GLIS3: variants seen among roughly 807,000 people sequenced by gnomAD.
The protein encoded by GLIS3 is GLIS family zinc finger 3, also known as zinc finger protein GLIS3.
A neutral mutation model predicts 78.6 loss-of-function variants in GLIS3; 53 were observed. The ratio of observed to expected loss-of-function variants is 0.67; its 90% CI spans 0.54 to 0.85. The LOEUF is 0.85. GLIS3 is among the 40% of genes least tolerant of loss of function. The pLI, the probability that GLIS3 is intolerant of heterozygous loss-of-function variation, is 0.00. For synonymous variants in GLIS3, 684 were observed against 509.9 expected (o/e 1.34, Z -4.60); for missense variants, 1,703 against 1,231.1 (o/e 1.38, Z -5.74).
chr9:4,310,720 C>T (rs1409193711), intron 2 of GLIS3, among the ~76,000 whole-genome samples: 1 of 152,094 alleles, frequency 6.6e-6, no homozygotes, highest in Non-Finnish European at 1.5e-5. Context: ...AGCCAATCAC[C>T]CAGGATTACC....
chr9:4,480,706 G>GA, the GLIS3 span, among the ~76,000 whole-genome samples: 3 of 149,900 alleles, frequency 2.0e-5, no homozygotes, highest in Admixed American at 6.7e-5. Flanking sequence ...AAGGCAAAAA[G>GA]AAAAAAAAGC....
chr9:4,040,454 C>T (rs117096139), intron 4 of GLIS3, among the ~76,000 whole-genome samples: 2,860 of 152,124 alleles, frequency 0.019, 36 homozygotes, highest in Non-Finnish European at 0.029. Context: ...GCTACATTTA[C>T]GATAGAAAAG....
At chr9:4,316,254 T>A (rs1167117585) in intron 2 of GLIS3, among the ~76,000 whole-genome samples, 1 of 152,194 alleles carries the variant, frequency 6.6e-6, no homozygotes, top group Non-Finnish European at 1.5e-5. Flanking sequence ...TAGCTACCTT[T>A]GCAAATCCAG....
chr9:4,303,239 G>C (rs75643689), upstream of GLIS3, among the ~76,000 whole-genome samples: 720 of 144,530 alleles, frequency 5.0e-3, 6 homozygotes, highest in African/African-American at 0.017. Context: ...AATAGCACCA[G>C]TGATAGTATG....
At chr9:4,453,017 C>T in the GLIS3 span, among the ~76,000 whole-genome samples, 1 of 152,114 alleles carries the variant, frequency 6.6e-6, no homozygotes, top group Non-Finnish European at 1.5e-5. Flanking sequence ...CACACATCTA[C>T]CACCATCTGA....
At chr9:4,207,001 G>C (rs1222303414) in intron 2 of GLIS3, among the ~76,000 whole-genome samples, 2 of 152,204 alleles carry the variant, frequency 1.3e-5, no homozygotes, top group Admixed American at 1.3e-4. Flanking sequence ...TGTAGAGCCA[G>C]AGGGGATGGA....
intron 1 of GLIS3, among the ~76,000 whole-genome samples, chr9:4,298,764 T>A (rs1238786385): frequency 6.6e-6 from 1 of 152,168 alleles, no homozygotes; most frequent in South Asian, 2.1e-4. Flanking sequence ...TGGGAGGTTA[T>A]AGTTCCAGAC....
chr9:4,122,721 C>G (rs945105969), intron 3 of GLIS3, among the ~76,000 whole-genome samples: 5 of 152,172 alleles, frequency 3.3e-5, no homozygotes, highest in African/African-American at 1.2e-4. Context: ...AAGTATGCTA[C>G]CAAAGCCATG....
At chr9:4,446,058 G>C in the GLIS3 span, among the ~76,000 whole-genome samples, 7 of 152,052 alleles carry the variant, frequency 4.6e-5, no homozygotes, top group African/African-American at 1.4e-4. Context: ...CAAGATAATG[G>C]TGTGTTGCCA....
the GLIS3 span, among the ~76,000 whole-genome samples, chr9:4,426,792 T>A: frequency 1.3e-5 from 2 of 152,204 alleles, no homozygotes; most frequent in Non-Finnish European, 2.9e-5. Flanking sequence ...ATTGGTAAAA[T>A]GGAGACAATA....
chr9:4,232,919 T>C (rs1180243664), intron 2 of GLIS3, among the ~76,000 whole-genome samples: 1 of 152,198 alleles, frequency 6.6e-6, no homozygotes, highest in African/African-American at 2.4e-5. Flanking sequence ...ATACCTCCAG[T>C]GGTAGAATCA....
At chr9:4,378,545 G>A in the GLIS3 span, among the ~76,000 whole-genome samples, 1 of 151,988 alleles carries the variant, frequency 6.6e-6, no homozygotes, top group Non-Finnish European at 1.5e-5. Flanking sequence ...ATTTGACTAG[G>A]CACCTGTATT....
intron 4 of GLIS3, among the ~76,000 whole-genome samples, chr9:4,024,024 A>G (rs1181783881): frequency 7.2e-6 from 1 of 139,580 alleles, no homozygotes; most frequent in African/African-American, 2.9e-5. Flanking sequence ...AGAAGGAAAA[A>G]CAAAAAAAAA....
At chr9:4,243,303 G>C (rs1478455949) in intron 2 of GLIS3, among the ~76,000 whole-genome samples, 2 of 152,136 alleles carry the variant, frequency 1.3e-5, no homozygotes, top group African/African-American at 4.8e-5. Flanking sequence ...GAGTGATTGA[G>C]GTGAGAGGGT....
rs185014596 is a variant in GLIS3, at chr9:4,331,597, G to A, written n.264+15484C>T. Among the ~76,000 whole-genome samples the A allele has an allele frequency of 1.9e-3, 285 of 152,282 alleles. 1 individual carries two copies. Among genetic ancestry groups the A allele is most frequent in the African/African-American group, 6.5e-3 (270 of 41,540 alleles). On this transcript the variant is annotated intron_variant and non_coding_transcript_variant, in intron 2 of 4. Coordinates refer to the GLIS3 transcript ENST00000471664. The stretch of plus-strand genomic sequence containing the variant: ...TAATGAAGCTGCAGGGAAATCTATG[G>A]AGCCTGTACTTGAGCGACAGCGGTC...
At position 4,017,361 on chromosome 9, in the gene GLIS3, G is replaced by C. The variant is rs141348321; in HGVS notation, c.1711-80172C>G. On this transcript the variant is annotated intron_variant, in intron 4 of 10. Transcript: ENST00000381971. The stretch of plus-strand genomic sequence containing the variant: ...CTTCAACCAACACAAGATGTAATTT[G>C]GGTGCTGAATGCAAAAGATACAAAG... Among the ~76,000 whole-genome samples, 209 of 152,268 alleles carry C rather than the reference G, an allele frequency of 1.4e-3. 1 individual carries two copies. The highest frequency in any genetic ancestry group is 4.5e-3 in the African/African-American group (186 of 41,532).
At chr9:4,368,929 C>A in the GLIS3 span, among the ~76,000 whole-genome samples, 602 of 152,292 alleles carry the variant, frequency 4.0e-3, 1 homozygote, top group Non-Finnish European at 6.2e-3. Context: ...TGAGAATAAT[C>A]TAAACCTGGT....
chr9:3,911,880 C>T (rs1009252658), intron 6 of GLIS3, among the ~76,000 whole-genome samples: 4 of 152,100 alleles, frequency 2.6e-5, no homozygotes, highest in Non-Finnish European at 4.4e-5. Flanking sequence ...GTTATCACTC[C>T]GTAACATGCA....
intron 4 of GLIS3, among the ~76,000 whole-genome samples, chr9:3,997,162 C>T (rs1364408570): frequency 1.3e-5 from 2 of 152,054 alleles, no homozygotes; most frequent in African/African-American, 4.8e-5. Flanking sequence ...GCCTGACCAA[C>T]ATGGAAAAAC....
Sources: allele counts gnomAD v4.1 joint callset (sites outside exome capture counted in the v4.1 genomes callset), GRCh38; gene constraint gnomAD v4.1.1; transcripts MANE v1.5; gene names NCBI Gene and HGNC (gene_info 2026-07-23, HGNC 2026-07-21).